GAMT: variants seen among roughly 807,000 people sequenced by gnomAD.
The protein encoded by GAMT is guanidinoacetate N-methyltransferase, also known as epididymis secretory protein Li 20.
A neutral mutation model predicts 26.9 loss-of-function variants in GAMT; 26 were observed. That is an observed-to-expected ratio of 0.97 (90% confidence interval 0.71 to 1.34). The LOEUF is 1.34. Among genes scored for constraint, GAMT ranks in the 40% most tolerant of loss-of-function variants. The pLI, the probability that GAMT is intolerant of heterozygous loss-of-function variation, is 0.00. For missense variants in GAMT, 412 were observed against 345.0 expected (o/e 1.19, Z -1.54); for synonymous variants, 169 against 149.6 (o/e 1.13, Z -0.95).
At chr19:1,400,561 C>T (rs1489730092) in intron 1 of GAMT, among the ~76,000 whole-genome samples, 1 of 152,172 alleles carries the variant, frequency 6.6e-6, no homozygotes, top group Non-Finnish European at 1.5e-5. Flanking sequence ...TCCCGGGTCC[C>T]TTATCTCTCG....
chr19:1,401,483 G>A lies in GAMT; in HGVS notation c.-7C>T. 1.2e-5 allele frequency: 16 copies of A among 1,318,040 alleles called. No individual in the cohort carries two copies. Among genetic ancestry groups the A allele is most frequent in the Non-Finnish European group, 1.5e-5 (16 of 1,034,128 alleles). The allele number at this position is 1,318,040 out of a possible 1,614,324, so 81.6% of individuals were successfully genotyped here. A position where few individuals can be genotyped will look rare whatever the true frequency, so the allele number is the denominator to read the frequency against. On this transcript the variant is annotated 5_prime_UTR_variant, in exon 1 of 6. Transcript: ENST00000252288. Reference sequence around the variant, plus strand: ...TCGCGCTGGGGGCGCTCATGCTGCAGGCTGGACGGCGACCCGACCTCGATC... The same window carrying A: ...TCGCGCTGGGGGCGCTCATGCTGCAAGCTGGACGGCGACCCGACCTCGATC...
chr19:1,398,198 A>G (rs1361803247), intron 5 of GAMT: 1 of 534,548 alleles, frequency 1.9e-6, no homozygotes, highest in African/African-American at 2.1e-5. Context: ...CCCATGTTCA[A>G]GTGATTCTCA....
At position 1,401,418 on chromosome 19, in the gene GAMT, C is replaced by T. The variant is rs80338734; in HGVS notation, c.59G>A (p.Trp20Ter). ...GTCGTAGGCCGCGGGCGCCGCCCCC[C>T]ACGCGGGGCTGCAGTTCTCGCCGGG... ...FAPGENCSPA[W>*]GAAPAAYDAA... Residue 20 changes from tryptophan to a stop codon, truncating the protein, a stop_gained, in exon 1 of 6, where the codon TGG becomes TAG. Coordinates refer to ENST00000252288, the MANE Select transcript of GAMT (RefSeq NM_000156.6). LOFTEE classifies it high-confidence loss of function. 3 of 1,448,746 alleles carry T rather than the reference C, an allele frequency of 2.1e-6. No individual in the cohort carries two copies. Among genetic ancestry groups the T allele is most frequent in the Non-Finnish European group, 2.7e-6 (3 of 1,102,796 alleles). The allele number at this position is 1,448,746 out of a possible 1,614,324, so 89.7% of individuals were successfully genotyped here. A position where few individuals can be genotyped will look rare whatever the true frequency, so the allele number is the denominator to read the frequency against.
At position 1,399,498 on chromosome 19, in the gene GAMT, C is replaced by G; in HGVS notation, c.391+26G>C. ...TGCATTGGAGCTGGGGAGGCCCACC[C>G]TGTGATACGTCCCCTCACCCCTCAC... is the stretch of plus-strand genomic sequence containing the variant. On this transcript the variant is annotated intron_variant, in intron 3 of 5. Transcript: ENST00000252288. The surrounding 1 kb of genome is among the most constrained non-coding windows in gnomAD (Gnocchi z 6.2). 2 of 1,603,996 alleles carry G rather than the reference C, an allele frequency of 1.2e-6. No individual in the cohort carries two copies. Among genetic ancestry groups the G allele is most frequent in the Non-Finnish European group, 8.5e-7 (1 of 1,173,874 alleles).
At chr19:1,400,654 A>G (rs909710141) in intron 1 of GAMT, among the ~76,000 whole-genome samples, 2 of 152,148 alleles carry the variant, frequency 1.3e-5, no homozygotes, top group African/African-American at 4.8e-5. Flanking sequence ...ACTTGAGACT[A>G]TCTGGGAGGG....
Position 1,400,230 on chromosome 19 carries a change from G to A in GAMT, c.182-292C>T, listed in dbSNP as rs61115615. Among the ~76,000 whole-genome samples the A allele has an allele frequency of 8.5e-3, 1,247 of 146,178 alleles. 23 individuals carry two copies. The highest frequency in any genetic ancestry group is 0.03 in the African/African-American group (1,181 of 38,946). ...GGCTGGGGAGGCTGTCTGGAAGAGG[G>A]GGTGCAGAGCAGGGCTGGGGAGGCT... On this transcript the variant is annotated intron_variant, in intron 1 of 5. Coordinates refer to ENST00000252288, the MANE Select transcript of GAMT (RefSeq NM_000156.6).
chr19:1,397,857 G>A, intron 5 of GAMT: 2 of 1,149,256 alleles, frequency 1.7e-6, no homozygotes, highest in Non-Finnish European at 2.2e-6. Context: ...GCTGCCCCAG[G>A]GGCCACAGGC....
chr19:1,399,651 C>T lies in GAMT; in HGVS notation c.328-64G>A. ...GAGGTCCCCAGGATCTCCCCACCTGCAGAAAGGGAGCGGCCAGGGGGACTC... is the reference window on the plus strand; with the variant it reads ...GAGGTCCCCAGGATCTCCCCACCTGTAGAAAGGGAGCGGCCAGGGGGACTC... On this transcript the variant is annotated intron_variant, in intron 2 of 5. Coordinates refer to ENST00000252288, the MANE Select transcript of GAMT (RefSeq NM_000156.6). This position sits in a 1 kb window ranked among gnomAD's most constrained non-coding sequence, Gnocchi z 6.2. The T allele has an allele frequency of 6.4e-7, 1 of 1,561,562 alleles. No individual in the cohort carries two copies. The highest frequency in any genetic ancestry group is 8.7e-7 in the Non-Finnish European group (1 of 1,148,098).
Position 1,399,864 on chromosome 19 carries a change from G to C in GAMT, c.256C>G (p.His86Asp). 1 of 1,603,630 alleles carries C rather than the reference G, an allele frequency of 6.2e-7. No homozygotes were observed. The highest frequency in any genetic ancestry group is 8.5e-7 in the Non-Finnish European group (1 of 1,175,908). ...CCGTCATTGCACTCGATGATCCAAT[G>C]CTCATCAATGGGCGCCTCCTGCACC... ...SKVQEAPIDE[H>D]WIIECNDGVF... is the part of the protein sequence containing the mutation. The change falls in exon 2 of 6, where the codon CAT becomes GAT. Residue 86 changes from histidine (H) to aspartate (D), a missense_variant. Coordinates refer to ENST00000252288, the MANE Select transcript of GAMT (RefSeq NM_000156.6). The surrounding 1 kb of genome is among the most constrained non-coding windows in gnomAD (Gnocchi z 6.2).
Position 1,397,447 on chromosome 19 carries a change from C to A in GAMT, c.623G>T (p.Arg208Leu), listed in dbSNP as rs767887772. The A allele has an allele frequency of 1.8e-5, 29 of 1,610,162 alleles. No homozygotes were observed. The highest frequency in any genetic ancestry group is 2.4e-5 in the Non-Finnish European group (28 of 1,179,914). Reference sequence around the variant, plus strand: ...TGGGACCAGCGCCATCACCTCCGTACGGATGTTCTCCCTCCGGAAGCCGGC... The same window carrying A: ...TGGGACCAGCGCCATCACCTCCGTAAGGATGTTCTCCCTCCGGAAGCCGGC... ...LEAGFRRENI[R>L]TEVMALVPPA... The change falls in exon 6 of 6, where the codon CGT (arginine) becomes CTT (leucine). Residue 208 changes from arginine (R) to leucine (L), a missense_variant. Physicochemically the swap from Arg to Leu is moderately radical, Grantham distance 102. Transcript: ENST00000252288.
At chr19:1,398,830 G>A (rs1430321064) in intron 5 of GAMT, 86 bp downstream of exon 5, 2 of 1,576,856 alleles carry the variant, frequency 1.3e-6, no homozygotes, top group Non-Finnish European at 8.6e-7. Context: ...ACCCTCCCCA[G>A]GTAGCAAGGT....
chr19:1,399,716 A>G lies in GAMT; in HGVS notation c.327+77T>C. 6.5e-7 allele frequency: 1 copy of G among 1,528,468 alleles called. No individual in the cohort carries two copies. The highest frequency in any genetic ancestry group is 8.8e-7 in the Non-Finnish European group (1 of 1,137,410). The allele number at this position is 1,528,468 out of a possible 1,614,324, so 94.7% of individuals were successfully genotyped here. A position where few individuals can be genotyped will look rare whatever the true frequency, so the allele number is the denominator to read the frequency against. ...CACCTCCTCCACCTCTGACAGCCCC[A>G]GGCCCCCAACCCCCAGGAAGCAGTG... is the stretch of plus-strand genomic sequence containing the variant. On this transcript the variant is annotated intron_variant, in intron 2 of 5. Coordinates refer to ENST00000252288, the MANE Select transcript of GAMT (RefSeq NM_000156.6). The surrounding 1 kb of genome is among the most constrained non-coding windows in gnomAD (Gnocchi z 6.2).
At chr19:1,398,064 T>G (rs933285489) in intron 5 of GAMT, 35 of 998,346 alleles carry the variant, frequency 3.5e-5, no homozygotes, top group African/African-American at 7.0e-5. Flanking sequence ...CATGGGAGGT[T>G]GTTGAGCTGG....
intron 5 of GAMT, chr19:1,398,056 T>C (rs1465473669): frequency 1.0e-6 from 1 of 999,768 alleles, no homozygotes; most frequent in African/African-American, 1.7e-5. Context: ...TGGGGAGCCA[T>C]GGGAGGTTGT....
intron 5 of GAMT, chr19:1,397,977 C>T: frequency 9.7e-7 from 1 of 1,035,212 alleles, no homozygotes; most frequent in Non-Finnish European, 1.2e-6. Flanking sequence ...GCTGAACCAG[C>T]AAAGACAGCC....
rs902990738 is a variant in GAMT, at chr19:1,397,243, G to A, written c.*116C>T. On this transcript the variant is annotated 3_prime_UTR_variant, in exon 6 of 6. Transcript: ENST00000252288. The stretch of plus-strand genomic sequence containing the variant: ...TGGTGGGACCCCTCACAGAGAAGCC[G>A]GGAAAGCTTCTGGTGACACACAGCT... 3.3e-5 allele frequency: 42 copies of A among 1,286,412 alleles called. No homozygotes were observed. The highest frequency in any genetic ancestry group is 1.0e-4 in the East Asian group (4 of 39,418). The allele number at this position is 1,286,412 out of a possible 1,614,324, so 79.7% of individuals were successfully genotyped here.
rs111493245 is a variant in GAMT, at chr19:1,398,420, T to TTTTC, written c.570+492_570+495dup. ...GCCTGATTTCCATTTTTTTTTTAAA[T>TTTTC]TTTCTTTCTTTCTTTCTTTCTTTCT... On this transcript the variant is annotated intron_variant, in intron 5 of 5. Coordinates refer to ENST00000252288, the MANE Select transcript of GAMT (RefSeq NM_000156.6). The TTTTC allele has an allele frequency of 0.014, 4,818 of 348,620 alleles. 214 individuals carry two copies. Among genetic ancestry groups the TTTTC allele is most frequent in the African/African-American group, 0.087 (3,998 of 46,028 alleles). The allele number at this position is 348,620 out of a possible 1,614,324, so 21.6% of individuals were successfully genotyped here.
chr19:1,399,650 G>T lies in GAMT; in HGVS notation c.328-63C>A, dbSNP rs185236005. The T allele has an allele frequency of 7.7e-6, 12 of 1,560,674 alleles. No individual in the cohort carries two copies. The highest frequency in any genetic ancestry group is 1.4e-5 in the African/African-American group (1 of 73,764). ...AGAGGTCCCCAGGATCTCCCCACCT[G>T]CAGAAAGGGAGCGGCCAGGGGGACT... On this transcript the variant is annotated intron_variant, in intron 2 of 5. Transcript: ENST00000252288. This position sits in a 1 kb window ranked among gnomAD's most constrained non-coding sequence, Gnocchi z 6.2.
chr19:1,397,120 G>A lies in GAMT; in HGVS notation c.*239C>T, dbSNP rs550282678. 3.2e-4 allele frequency: 176 copies of A among 548,586 alleles called. 1 individual carries two copies. Among genetic ancestry groups the A allele is most frequent in the Admixed American group, 2.5e-3 (81 of 32,232 alleles). 34.0% of individuals were successfully genotyped at this position (548,586 alleles called of 1,614,324 possible). On this transcript the variant is annotated 3_prime_UTR_variant, in exon 6 of 6. Coordinates refer to ENST00000252288, the MANE Select transcript of GAMT (RefSeq NM_000156.6). ...CCGACTGGCCAAGCCCAGCGCCGGC[G>A]TTTACTTCACCTCAGGGACCCTGCA...
Sources: gnomAD v4.1 joint callset for allele counts (sites outside exome capture counted in the v4.1 genomes callset) on GRCh38, gnomAD v4.1.1 for gene constraint, Gnocchi (gnomAD v3.1) non-coding constraint, MANE v1.5 for transcripts, NCBI Gene and HGNC (gene_info 2026-07-23, HGNC 2026-07-21) for gene names.